RBMS2: variants seen among roughly 807,000 people sequenced by gnomAD.
RBMS2 encodes RNA-binding motif, single-stranded-interacting protein 2.
RBMS2 carries 38 observed loss-of-function variants against 58.4 expected under a neutral mutation model. The observed-to-expected ratio is 0.65, with a 90% CI of 0.50 to 0.85. RBMS2 has a LOEUF of 0.85. Ranked by LOEUF, RBMS2 falls within the 40% of genes least tolerant of loss-of-function variation. The pLI is 0.00. For synonymous variants in RBMS2, 151 were observed against 180.7 expected (o/e 0.84, Z 1.32); for missense variants, 367 against 503.7 (o/e 0.73, Z 2.60).
At chr12:56,587,390 C>CA (rs909104349) in intron 10 of RBMS2, among the ~76,000 whole-genome samples, 164 bp from the exon 11 acceptor site, 5 of 152,288 alleles carry the variant, frequency 3.3e-5, no homozygotes, top group African/African-American at 1.2e-4. Flanking sequence ...TCCACACTGA[C>CA]AGGCAGAGTT....
intron 1 of RBMS2, among the ~76,000 whole-genome samples, chr12:56,543,955 A>G (rs1158143758): frequency 6.6e-6 from 1 of 150,662 alleles, no homozygotes; most frequent in African/African-American, 2.4e-5. Context: ...GGTGTGAGCC[A>G]CCATGCCCGG....
intron 1 of RBMS2, among the ~76,000 whole-genome samples, chr12:56,533,299 G>A (rs1007660687): frequency 9.3e-5 from 14 of 151,020 alleles, no homozygotes; most frequent in East Asian, 3.9e-4. Context: ...ACAGGGACTC[G>A]CTATGTTGCC....
At chr12:56,543,248 C>T (rs903278445) in intron 1 of RBMS2, among the ~76,000 whole-genome samples, 44 of 151,562 alleles carry the variant, frequency 2.9e-4, no homozygotes, top group African/African-American at 1.0e-3. Flanking sequence ...TTTGGGAGGC[C>T]GAGGCGGGTG....
chr12:56,566,483 AT>A (rs1881366496), intron 2 of RBMS2, among the ~76,000 whole-genome samples: 3 of 152,194 alleles, frequency 2.0e-5, no homozygotes, highest in African/African-American at 7.2e-5. Flanking sequence ...GAAGTTCCAC[AT>A]GACTCTGCTA....
At chr12:56,546,780 T>C (rs901528687) in intron 1 of RBMS2, among the ~76,000 whole-genome samples, 3 of 152,126 alleles carry the variant, frequency 2.0e-5, no homozygotes, top group African/African-American at 7.2e-5. Context: ...TGTGTGGGCA[T>C]GTTTTCAATT....
intron 1 of RBMS2, among the ~76,000 whole-genome samples, chr12:56,533,503 C>T (rs976762018): frequency 2.1e-5 from 3 of 141,108 alleles, no homozygotes; most frequent in African/African-American, 8.0e-5. Flanking sequence ...GCATCTTCCA[C>T]CTCCCGGGTT....
chr12:56,571,235 C>T (rs563865792), intron 4 of RBMS2, among the ~76,000 whole-genome samples: 2 of 152,214 alleles, frequency 1.3e-5, no homozygotes, highest in Non-Finnish European at 2.9e-5. Context: ...ATCTGGCTCT[C>T]TCCCTGTTCC....
chr12:56,589,165 T>C lies in RBMS2; in HGVS notation c.*32T>C, dbSNP rs1340826271. The C allele has an allele frequency of 5.2e-6, 8 of 1,541,736 alleles. No individual in the cohort carries two copies. The highest frequency in any genetic ancestry group is 3.6e-5 in the South Asian group (3 of 83,510). On this transcript the variant is annotated 3_prime_UTR_variant, in exon 14 of 14. Coordinates refer to ENST00000262031, the MANE Select transcript of RBMS2 (RefSeq NM_002898.4). ...GATTCCCCTCCCCATCTTTACTGAA[T>C]AGAAATGAATTCTTGGAGATACTCA... is the stretch of plus-strand genomic sequence containing the variant.
At chr12:56,581,066 A>G in intron 5 of RBMS2, 118 bp from the exon 6 acceptor site, 1 of 836,218 alleles carries the variant, frequency 1.2e-6, no homozygotes, top group Admixed American at 2.0e-5. Flanking sequence ...GTGTTTCTGT[A>G]GTCATAACAT....
intron 1 of RBMS2, among the ~76,000 whole-genome samples, chr12:56,548,467 A>G (rs1294773092): frequency 6.6e-6 from 1 of 152,110 alleles, no homozygotes; most frequent in Non-Finnish European, 1.5e-5. Flanking sequence ...CAAACAAACA[A>G]ATATTTGCTG....
intron 5 of RBMS2, among the ~76,000 whole-genome samples, chr12:56,573,454 G>A (rs1882635438): frequency 7.2e-6 from 1 of 139,622 alleles, no homozygotes. Flanking sequence ...TCCAGCCTGG[G>A]CAGCAAAGCG....
At chr12:56,556,070 G>T (rs1323133999) in intron 1 of RBMS2, among the ~76,000 whole-genome samples, 1 of 151,488 alleles carries the variant, frequency 6.6e-6, no homozygotes, top group Non-Finnish European at 1.5e-5. Context: ...AGGAGAGAGG[G>T]AGTGAGAAAT....
chr12:56,536,191 ACT>A (rs1874772135), intron 1 of RBMS2, among the ~76,000 whole-genome samples: 1 of 123,246 alleles, frequency 8.1e-6, no homozygotes, highest in East Asian at 2.4e-4. Flanking sequence ...CAAGAGTGAA[ACT>A]CTGTCTCAAA....
In RBMS2 at chr12:56,591,593, G is replaced by A. The variant is rs1473748517; in HGVS notation, c.*2460G>A. 1 of 151,986 alleles carries A rather than the reference G, an allele frequency of 6.6e-6. No individual in the cohort carries two copies. The highest frequency in any genetic ancestry group is 1.5e-5 in the Non-Finnish European group (1 of 68,008). 9.4% of individuals were successfully genotyped at this position (151,986 alleles called of 1,614,324 possible). ...GAAAATATACCATAGCTGCTTTCTT[G>A]TCAGTGGCCTTTGAGAGAAAGAGAA... On this transcript the variant is annotated 3_prime_UTR_variant, in exon 14 of 14. Transcript: ENST00000262031.
chr12:56,530,400 G>A (rs1351073141), intron 1 of RBMS2, among the ~76,000 whole-genome samples: 1 of 94,564 alleles, frequency 1.1e-5, no homozygotes, highest in East Asian at 3.5e-4. Flanking sequence ...TTGCTCTGTT[G>A]CCCAGGCTGG....
intron 1 of RBMS2, among the ~76,000 whole-genome samples, chr12:56,522,563 C>A (rs1057394781): frequency 6.6e-6 from 1 of 152,148 alleles, no homozygotes; most frequent in African/African-American, 2.4e-5. Flanking sequence ...GAAACCACAA[C>A]AGTTTATCAA....
chr12:56,575,563 C>A (rs1318601562), intron 5 of RBMS2, among the ~76,000 whole-genome samples: 1 of 151,306 alleles, frequency 6.6e-6, no homozygotes, highest in Non-Finnish European at 1.5e-5. Flanking sequence ...CCCTACACCC[C>A]CCCTCAAAAA....
At chr12:56,544,909 T>A (rs1227009424) in intron 1 of RBMS2, among the ~76,000 whole-genome samples, 5 of 151,942 alleles carry the variant, frequency 3.3e-5, no homozygotes, top group Admixed American at 6.6e-5. Context: ...CACATTTTTT[T>A]AAACTATGTA....
chr12:56,520,559 A>T (rs1565718761), upstream of RBMS2, among the ~76,000 whole-genome samples: 1 of 152,106 alleles, frequency 6.6e-6, no homozygotes, highest in Non-Finnish European at 1.5e-5. Flanking sequence ...GGGTTACTGG[A>T]TATCATTCTT....
Sources: gnomAD v4.1 joint callset for allele counts (sites outside exome capture counted in the v4.1 genomes callset) on GRCh38, gnomAD v4.1.1 for gene constraint, MANE v1.5 for transcripts, NCBI Gene and HGNC (gene_info 2026-07-23, HGNC 2026-07-21) for gene names.